Variants in GMFB observed in about 807,000 individuals in gnomAD.
The protein encoded by GMFB is GMF-beta.
A neutral mutation model predicts 25.6 loss-of-function variants in GMFB; 13 were observed. The observed-to-expected ratio is 0.51, with a 90% CI of 0.33 to 0.81. The LOEUF (loss-of-function observed/expected upper bound fraction) is 0.81. Among genes scored for constraint, GMFB ranks in the 30% least tolerant of loss-of-function variants. GMFB has a pLI of 0.02. For missense variants in GMFB, 146 were observed against 175.4 expected (o/e 0.83, Z 0.95); for synonymous variants, 57 against 56.9 (o/e 1.00, Z 0.00).
rs188887897 is a variant in GMFB, at chr14:54,487,163, G to A, written c.3+1762C>T. ...GTAATCTCAACACTTTGGGAGGCCGGGGCAGGTGGATCACTTGAGGTCAGG... is the reference window on the plus strand; with the variant it reads ...GTAATCTCAACACTTTGGGAGGCCGAGGCAGGTGGATCACTTGAGGTCAGG... On this transcript the variant is annotated intron_variant, in intron 1 of 6. Transcript: ENST00000358056. Among the ~76,000 whole-genome samples, 235 of 151,418 alleles carry A rather than the reference G, an allele frequency of 1.6e-3. 1 individual carries two copies. Among genetic ancestry groups the A allele is most frequent in the African/African-American group, 5.3e-3 (217 of 41,234 alleles).
rs368764640 is a variant in GMFB, at chr14:54,482,129, T to C, written c.150+24A>G. 5 of 1,436,984 alleles carry C rather than the reference T, an allele frequency of 3.5e-6. No homozygotes were observed. The African/African-American group carries it at 5.6e-5, about 16-fold the overall frequency. The allele number at this position is 1,436,984 out of a possible 1,614,324, so 89.0% of individuals were successfully genotyped here. ...AAATAATAATTACTTAACTATAAAA[T>C]TGTATTTAGTTCATTGAACAAACCT... On this transcript the variant is annotated intron_variant, in intron 3 of 6. Transcript: ENST00000358056.
Position 54,481,434 on chromosome 14 carries a change from C to T in GMFB, c.175G>A (p.Asp59Asn). Residue 59 changes from aspartate to asparagine, a missense_variant, in exon 4 of 7, where the codon GAT (aspartate) becomes AAT (asparagine). Physicochemically the swap from Asp to Asn is conservative, Grantham distance 23. Transcript: ENST00000358056. ...CGAGGTTGTCGTTCAGGTAGTTCAT[C>T]TTTAAGTTCATCTGGTGAAATGCCC... The part of the protein sequence containing the change: ...LEGISPDELK[D>N]ELPERQPRFI... 1.9e-6 allele frequency: 3 copies of T among 1,609,956 alleles called. No homozygotes were observed. The highest frequency in any genetic ancestry group is 2.5e-6 in the Non-Finnish European group (3 of 1,176,566).
At chr14:54,488,224 T>C (rs917349013) in intron 1 of GMFB, among the ~76,000 whole-genome samples, 2 of 152,250 alleles carry the variant, frequency 1.3e-5, no homozygotes, top group Admixed American at 6.5e-5. Context: ...TGGCGATTTA[T>C]TTAATTTTCC....
chr14:54,485,263 A>G (rs1406695601), intron 1 of GMFB, among the ~76,000 whole-genome samples: 1 of 152,102 alleles, frequency 6.6e-6, no homozygotes, highest in African/African-American at 2.4e-5. Flanking sequence ...ATGATCTTAT[A>G]TTTAGAAAAA....
intron 2 of GMFB, chr14:54,483,194 G>C (rs183075191): frequency 1.3e-3 from 196 of 154,098 alleles, no homozygotes; most frequent in Non-Finnish European, 2.5e-3. Context: ...TCCATTTTCA[G>C]AAGATAGTGC....
At chr14:54,483,469 G>T in intron 2 of GMFB, 1 of 549,684 alleles carries the variant, frequency 1.8e-6, no homozygotes, top group Admixed American at 3.5e-5. Context: ...AAAGGACTAT[G>T]GGGGAGGTGG....
rs1594631755 is a variant in GMFB, at chr14:54,476,373, C to T, written c.*1715G>A. On this transcript the variant is annotated 3_prime_UTR_variant, in exon 7 of 7. Transcript: ENST00000358056. ...AAACCTCATTTCCTTCATTCAAAAA[C>T]ATTAAAAACACTCTCCACTCACTTG... The T allele has an allele frequency of 1.3e-5, 2 of 152,166 alleles. No individual in the cohort carries two copies. Among genetic ancestry groups the T allele is most frequent in the South Asian group, 2.1e-4 (1 of 4,834 alleles). The allele number at this position is 152,166 out of a possible 1,614,324, so 9.4% of individuals were successfully genotyped here. A position where few individuals can be genotyped will look rare whatever the true frequency, so the allele number is the denominator to read the frequency against.
In GMFB at chr14:54,488,898, GC is replaced by G. The variant is rs1230826283; in HGVS notation, c.3+26del. The G allele has an allele frequency of 1.9e-5, 29 of 1,554,450 alleles. No individual in the cohort carries two copies. The Admixed American group carries it at 3.8e-4, about 20-fold the overall frequency. On this transcript the variant is annotated intron_variant, in intron 1 of 6. Transcript: ENST00000358056. ...GCTGGCCGGCTCGCCCAGCCCTCCG[GC>G]CCCCGCCCTCCCAGCGGCAACTCAC...
At chr14:54,479,267 C>T (rs1398865719) in intron 6 of GMFB, 1 of 152,102 alleles carries the variant, frequency 6.6e-6, no homozygotes, top group Non-Finnish European at 1.5e-5. Flanking sequence ...GTACCTCTTA[C>T]CTTTAACTTT....
intron 1 of GMFB, among the ~76,000 whole-genome samples, chr14:54,485,722 A>G (rs2031772296): frequency 6.6e-6 from 1 of 152,230 alleles, no homozygotes; most frequent in Admixed American, 6.5e-5. Flanking sequence ...AACCCTCAGC[A>G]AAAAGAACAA....
intron 1 of GMFB, among the ~76,000 whole-genome samples, chr14:54,486,567 G>C (rs2031785477): frequency 6.6e-6 from 1 of 151,926 alleles, no homozygotes; most frequent in Non-Finnish European, 1.5e-5. Context: ...ACTCAACAAA[G>C]GATTAATAAT....
chr14:54,483,430 C>A, intron 2 of GMFB: 1 of 438,366 alleles, frequency 2.3e-6, no homozygotes, highest in Non-Finnish European at 4.1e-6. Context: ...AGACGACCGC[C>A]TTCTCCAGAG....
chr14:54,484,694 T>C (rs140876438), intron 1 of GMFB, among the ~76,000 whole-genome samples: 1,832 of 152,184 alleles, frequency 0.012, 27 homozygotes, highest in Non-Finnish European at 0.017. Flanking sequence ...AGAACAGCAT[T>C]ACCCTGATAC....
At chr14:54,486,586 A>T (rs1174230004) in intron 1 of GMFB, among the ~76,000 whole-genome samples, 1 of 152,250 alleles carries the variant, frequency 6.6e-6, no homozygotes, top group African/African-American at 2.4e-5. Context: ...ATCAGAATAT[A>T]CAAGGATCTC....
intron 1 of GMFB, among the ~76,000 whole-genome samples, chr14:54,484,972 C>T (rs2031763433): frequency 6.6e-6 from 1 of 152,006 alleles, no homozygotes. Flanking sequence ...TAAAATTCAA[C>T]ATCCTTTCAT....
intron 2 of GMFB, 67 bp downstream of exon 2, chr14:54,483,604 C>T (rs1446672637): frequency 1.3e-6 from 1 of 799,134 alleles, no homozygotes; most frequent in Non-Finnish European, 2.1e-6. Context: ...TCAGTTCATT[C>T]AATGTAGCTA....
Position 54,486,989 on chromosome 14 carries a change from G to T in GMFB, c.3+1936C>A, listed in dbSNP as rs908791778. Among the ~76,000 whole-genome samples the T allele has an allele frequency of 4.6e-5, 7 of 152,326 alleles. 1 individual carries two copies. The highest frequency in any genetic ancestry group is 6.5e-5 in the Admixed American group (1 of 15,300). ...TCTTGTATAACAGACAGAAGACTAG[G>T]TTTGAGGAGAAAGGGCATGAGTTCT... On this transcript the variant is annotated intron_variant, in intron 1 of 6. Transcript: ENST00000358056.
chr14:54,487,769 A>G (rs986044550), intron 1 of GMFB, among the ~76,000 whole-genome samples: 2 of 152,212 alleles, frequency 1.3e-5, no homozygotes, highest in African/African-American at 4.8e-5. Context: ...AGGTCTTCTG[A>G]GCTGTAAATT....
rs746471500 is a variant in GMFB at position 54,483,693 on chromosome 14, T to C, written c.78A>G (p.Glu26=). 1 of 1,597,822 alleles carries C rather than the reference T, an allele frequency of 6.3e-7. No individual in the cohort carries two copies. Among genetic ancestry groups the C allele is most frequent in the Non-Finnish European group, 8.6e-7 (1 of 1,165,296 alleles). Residue 26 remains glutamate, a synonymous_variant, in exon 2 of 7, where the codon GAA becomes GAG. Transcript: ENST00000358056. ...EKLRKFRFRK[E]TNNAAIIMKI... ...TACTTATAATAGCAGCGTTGTTCGT[T>C]TCTTTGCGAAAACGAAACTTTCTCA...
Sources: allele counts gnomAD v4.1 joint callset (sites outside exome capture counted in the v4.1 genomes callset), GRCh38; gene constraint gnomAD v4.1.1; transcripts MANE v1.5; gene names NCBI Gene and HGNC (gene_info 2026-07-23, HGNC 2026-07-21).